Variants in AGBL1 observed in about 807,000 individuals in gnomAD.
AGBL1 encodes AGBL carboxypeptidase 1, also known as cytosolic carboxypeptidase 4.
In AGBL1, 130 loss-of-function variants were observed where a neutral mutation model predicts 118.9. The observed-to-expected ratio is 1.09, with a 90% CI of 0.95 to 1.26. The LOEUF is 1.26. AGBL1 is among the 50% of genes most tolerant of loss of function. The probability of loss-of-function intolerance (pLI) is 0.00; values close to 1 mark genes in which losing one functional copy is unlikely to be tolerated. For missense variants in AGBL1, 1,584 were observed against 1,298.1 expected (o/e 1.22, Z -3.38); for synonymous variants, 555 against 478.9 (o/e 1.16, Z -2.08).
At chr15:86,659,897 G>A (rs2085513102) in intron 21 of AGBL1, among the ~76,000 whole-genome samples, 1 of 152,148 alleles carries the variant, frequency 6.6e-6, no homozygotes, top group Admixed American at 6.5e-5. Context: ...CTGTTGCCAG[G>A]GCAATTACAG....
At chr15:86,586,713 A>G (rs1161175060) in intron 21 of AGBL1, among the ~76,000 whole-genome samples, 1 of 152,156 alleles carries the variant, frequency 6.6e-6, no homozygotes, top group African/African-American at 2.4e-5. Context: ...GAGGTATACA[A>G]TAGTTTGGTC....
chr15:86,139,763 AT>A (rs59244971), intron 1 of AGBL1: 23,998 of 149,572 alleles, frequency 0.16, 2,146 homozygotes, highest in African/African-American at 0.25. Flanking sequence ...ACATTAATTG[AT>A]TTTTTTTTTT....
At chr15:86,675,260 C>A (rs745574909) in intron 22 of AGBL1, among the ~76,000 whole-genome samples, 1 of 152,088 alleles carries the variant, frequency 6.6e-6, no homozygotes, top group Non-Finnish European at 1.5e-5. Flanking sequence ...GTGCACTTCA[C>A]GTCCAAAGGC....
chr15:86,733,881 C>T (rs1432734213), intron 22 of AGBL1, among the ~76,000 whole-genome samples: 3 of 152,088 alleles, frequency 2.0e-5, no homozygotes, highest in Admixed American at 6.5e-5. Flanking sequence ...GTCGTATACA[C>T]CCAGAACACT....
chr15:86,644,581 T>C (rs1298617673), intron 21 of AGBL1, among the ~76,000 whole-genome samples: 1 of 151,006 alleles, frequency 6.6e-6, no homozygotes, highest in African/African-American at 2.4e-5. Context: ...CATTCAACAT[T>C]AGATTTGGTC....
intron 22 of AGBL1, among the ~76,000 whole-genome samples, chr15:86,697,364 CTTTT>C (rs973620563): frequency 1.1e-4 from 16 of 151,864 alleles, no homozygotes; most frequent in African/African-American, 3.6e-4. Context: ...GAATTCCTTT[CTTTT>C]GCTTGTTCGA....
intron 17 of AGBL1, among the ~76,000 whole-genome samples, chr15:86,379,571 C>T (rs2081085296): frequency 6.6e-6 from 1 of 152,128 alleles, no homozygotes. Flanking sequence ...TTGATGTGTG[C>T]CATGTACTTT....
chr15:86,767,894 T>A (rs1434677198), intron 22 of AGBL1, among the ~76,000 whole-genome samples: 3 of 151,962 alleles, frequency 2.0e-5, no homozygotes, highest in African/African-American at 7.2e-5. Context: ...TCTATTCAAA[T>A]GTGAAAATTT....
rs76916376 is a variant in AGBL1, at chr15:86,546,790, G to T, written c.2817+657G>T. ...AAGAAGGGAGTACTTCTTCCCATCA[G>T]GATAAAGGCAACAAGCTATTGCATA... is the stretch of plus-strand genomic sequence containing the variant. On this transcript the variant is annotated intron_variant, in intron 20 of 22. Coordinates refer to ENST00000614907, the MANE Select transcript of AGBL1 (RefSeq NM_001386094.1). 6.3e-3 allele frequency among the ~76,000 whole-genome samples: 958 copies of T among 152,240 alleles called. 8 individuals carry two copies. Among genetic ancestry groups the T allele is most frequent in the Non-Finnish European group, 0.01 (691 of 67,998 alleles).
At chr15:86,879,138 C>T (rs2141526269) in intron 22 of AGBL1, among the ~76,000 whole-genome samples, 1 of 152,368 alleles carries the variant, frequency 6.6e-6, no homozygotes, top group South Asian at 2.1e-4. Context: ...TGGCAGCTTC[C>T]TTTCTGCACT....
At chr15:86,506,173 C>A (rs2082974006) in intron 18 of AGBL1, among the ~76,000 whole-genome samples, 1 of 152,054 alleles carries the variant, frequency 6.6e-6, no homozygotes, top group African/African-American at 2.4e-5. Context: ...TCACTTCCTG[C>A]TTGTTCAGAA....
At chr15:86,726,193 T>C (rs2142735893) in intron 22 of AGBL1, among the ~76,000 whole-genome samples, 1 of 152,346 alleles carries the variant, frequency 6.6e-6, no homozygotes, top group East Asian at 1.9e-4. Context: ...AATTCTGCTT[T>C]ACCTAGCAAA....
At chr15:86,755,832 C>T (rs1454317756) in intron 22 of AGBL1, among the ~76,000 whole-genome samples, 1 of 152,164 alleles carries the variant, frequency 6.6e-6, no homozygotes, top group Non-Finnish European at 1.5e-5. Context: ...CATCTTGCTT[C>T]ACCCTTAAGA....
rs1555423985 is a variant in AGBL1, at chr15:86,541,616, A to AAAGAG, written c.2686-4385_2686-4384insAGAGA. Among the ~76,000 whole-genome samples the AAAGAG allele has an allele frequency of 2.7e-4, 26 of 97,072 alleles. 1 individual carries two copies. Among genetic ancestry groups the AAAGAG allele is most frequent in the African/African-American group, 1.1e-3 (25 of 23,676 alleles). 63.7% of individuals were successfully genotyped at this position (97,072 alleles called of 152,430 possible). ...CTCAAAAAAAAAAAAAAAAAAAAAA[A>AAAGAG]AGAGAGAGAGAGAGAGAGACCCACT... On this transcript the variant is annotated intron_variant, in intron 19 of 22. Transcript: ENST00000614907.
chr15:86,213,571 T>G (rs1180551701), intron 5 of AGBL1, among the ~76,000 whole-genome samples: 1 of 152,134 alleles, frequency 6.6e-6, no homozygotes, highest in East Asian at 1.9e-4. Flanking sequence ...TGAAAATCAC[T>G]GGTCTCAGTG....
chr15:86,203,340 AC>A (rs1328323862), intron 5 of AGBL1, among the ~76,000 whole-genome samples: 1 of 152,202 alleles, frequency 6.6e-6, no homozygotes, highest in Non-Finnish European at 1.5e-5. Context: ...GTGCTACCCT[AC>A]CAAAAATATA....
At chr15:86,431,148 G>A (rs980931936) in intron 18 of AGBL1, among the ~76,000 whole-genome samples, 3 of 152,166 alleles carry the variant, frequency 2.0e-5, no homozygotes, top group African/African-American at 7.2e-5. Context: ...AAGATCCCAC[G>A]ATGAACCTCA....
At chr15:86,464,211 G>A (rs2082368122) in intron 18 of AGBL1, among the ~76,000 whole-genome samples, 1 of 152,142 alleles carries the variant, frequency 6.6e-6, no homozygotes, top group East Asian at 1.9e-4. Context: ...ATTGGGAATG[G>A]GAGTTTGCTC....
At position 86,462,029 on chromosome 15, in the gene AGBL1, C is replaced by G. The variant is rs1277210784; in HGVS notation, c.2556-60781C>G. 3.3e-5 allele frequency among the ~76,000 whole-genome samples: 5 copies of G among 152,166 alleles called. No individual in the cohort carries two copies. The East Asian group carries it at 9.6e-4, about 29-fold the overall frequency. ...GGTATTCCTTTTCCTTTGACAATTA[C>G]TTACAAACTATGAGTAGCTTTATTT... On this transcript the variant is annotated intron_variant, in intron 18 of 22. Transcript: ENST00000614907.
Sources: gnomAD v4.1 joint callset for allele counts (sites outside exome capture counted in the v4.1 genomes callset) on GRCh38, gnomAD v4.1.1 for gene constraint, MANE v1.5 for transcripts, NCBI Gene and HGNC (gene_info 2026-07-23, HGNC 2026-07-21) for gene names.